The following PLAC1 variants were observed in gnomAD, a reference collection of about 807,000 sequenced individuals.
PLAC1 encodes the protein placenta-specific protein 1.
For missense variants in PLAC1, 136 were observed against 163.2 expected (o/e 0.83, Z 0.91); for synonymous variants, 68 against 62.1 (o/e 1.09, Z -0.44).
At chrX:134,745,159 C>A (rs1428890357) in intron 1 of PLAC1, among the ~76,000 whole-genome samples, 2 of 111,795 alleles carry the variant, frequency 1.8e-5, no homozygotes, top group Non-Finnish European at 3.8e-5. Flanking sequence ...TTGACTTTAC[C>A]CTCAAGCTTG....
chrX:134,604,261 T>C (rs2078111780), intron 1 of PLAC1, among the ~76,000 whole-genome samples: 1 of 112,801 alleles, frequency 8.9e-6, no homozygotes. Flanking sequence ...TGCAATACCA[T>C]AGGCATTCCA....
chrX:134,756,902 T>C (rs1440140612), intron 1 of PLAC1, among the ~76,000 whole-genome samples: 1 of 111,664 alleles, frequency 9.0e-6, no homozygotes, highest in Non-Finnish European at 1.9e-5. Flanking sequence ...TTTCTGGACT[T>C]TCTGCTTTGT....
chrX:134,610,899 C>T (rs1310692121), intron 1 of PLAC1, among the ~76,000 whole-genome samples: 2 of 111,881 alleles, frequency 1.8e-5, no homozygotes, highest in South Asian at 3.8e-4. Context: ...ATGATCAAGG[C>T]TCATGCAAAC....
At chrX:134,700,611 G>C (rs2078579680) in intron 2 of PLAC1, among the ~76,000 whole-genome samples, 1 of 111,827 alleles carries the variant, frequency 8.9e-6, no homozygotes, top group African/African-American at 3.2e-5. Flanking sequence ...TCCAAAATCA[G>C]TGTACAAAAA....
chrX:134,658,701 G>A (rs1436264342), upstream of PLAC1, among the ~76,000 whole-genome samples: 1 of 111,791 alleles, frequency 8.9e-6, no homozygotes, highest in Non-Finnish European at 1.9e-5. Context: ...CTACTGTCAT[G>A]TGTTAGAAGC....
intron 2 of PLAC1, among the ~76,000 whole-genome samples, chrX:134,680,545 G>GAACTGAACTAAACTAAACTAAACTA (rs761881945): frequency 2.2e-4 from 11 of 49,662 alleles, no homozygotes; most frequent in African/African-American, 4.7e-4. Context: ...AAACTAAACT[G>GAACTGAACTAAACTAAACTAAACTA]AACTAAACTA....
intron 1 of PLAC1, among the ~76,000 whole-genome samples, chrX:134,742,125 A>C (rs746654293): frequency 1.8e-5 from 2 of 112,547 alleles, no homozygotes; most frequent in South Asian, 7.3e-4. Flanking sequence ...CTGCTGTCTA[A>C]ATCCAGGTAT....
intron 2 of PLAC1, among the ~76,000 whole-genome samples, chrX:134,677,304 A>C (rs1473530766): frequency 8.9e-6 from 1 of 112,580 alleles, no homozygotes; most frequent in Non-Finnish European, 1.9e-5. Flanking sequence ...CAAGTCAGAC[A>C]TGAGCCCTGA....
intron 1 of PLAC1, among the ~76,000 whole-genome samples, chrX:134,758,644 C>T (rs1367301998): frequency 6.3e-5 from 7 of 111,848 alleles, no homozygotes; most frequent in Non-Finnish European, 3.8e-5. Flanking sequence ...AAAATCGACT[C>T]AAAATGGATT....
chrX:134,713,785 C>A (rs1295459338), intron 2 of PLAC1, among the ~76,000 whole-genome samples: 1 of 111,946 alleles, frequency 8.9e-6, no homozygotes, highest in Non-Finnish European at 1.9e-5. Flanking sequence ...AGGCTGGGAT[C>A]CCTGCGGCTT....
At chrX:134,596,856 A>G (rs2078064384) in intron 2 of PLAC1, among the ~76,000 whole-genome samples, 1 of 110,506 alleles carries the variant, frequency 9.0e-6, no homozygotes, top group South Asian at 3.9e-4. Context: ...CTTGGCCCCC[A>G]AAACTGCTGG....
At chrX:134,636,133 AGTACTG>A (rs1039879979) in intron 1 of PLAC1, among the ~76,000 whole-genome samples, 2 of 110,184 alleles carry the variant, frequency 1.8e-5, no homozygotes, top group Non-Finnish European at 1.9e-5. Context: ...AATCCCAGGA[AGTACTG>A]GTTGACACCA....
At chrX:134,674,352 G>T (rs1388778324) in intron 2 of PLAC1, among the ~76,000 whole-genome samples, 1 of 112,264 alleles carries the variant, frequency 8.9e-6, no homozygotes, top group Non-Finnish European at 1.9e-5. Flanking sequence ...CTTAATCTTT[G>T]CAATGCCAAG....
intron 2 of PLAC1, among the ~76,000 whole-genome samples, chrX:134,584,951 C>T (rs376468389): frequency 8.1e-5 from 9 of 110,753 alleles, no homozygotes; most frequent in Admixed American, 6.8e-4. Flanking sequence ...ACAGGCAGAA[C>T]GTCTTTCTCC....
In PLAC1 at chrX:134,565,847, G is replaced by T; in HGVS notation, c.*197C>A. 1 of 391,004 alleles carries T rather than the reference G, an allele frequency of 2.6e-6. No individual in the cohort carries two copies. Among genetic ancestry groups the T allele is most frequent in the South Asian group, 5.2e-5 (1 of 19,124 alleles). 32.2% of individuals were successfully genotyped at this position (391,004 alleles called of 1,213,427 possible). ...AAAAATGCCCAACATATTTTTATGC[G>T]ATCAGAATTTTATTTTATTTTTTGT... On this transcript the variant is annotated 3_prime_UTR_variant, in exon 3 of 3. Transcript: ENST00000359237.
intron 1 of PLAC1, among the ~76,000 whole-genome samples, chrX:134,608,158 C>G (rs970027831): frequency 8.9e-6 from 1 of 111,776 alleles, no homozygotes; most frequent in Non-Finnish European, 1.9e-5. Flanking sequence ...TACCATATGA[C>G]CCAGCAAGTC....
chrX:134,688,899 A>G (rs772579961), intron 2 of PLAC1, among the ~76,000 whole-genome samples: 2 of 110,032 alleles, frequency 1.8e-5, no homozygotes, highest in Non-Finnish European at 3.8e-5. Flanking sequence ...ACCACCTCCA[A>G]CTCTTTATGT....
At chrX:134,646,805 G>A (rs1376713345) in intron 1 of PLAC1, among the ~76,000 whole-genome samples, 1 of 112,496 alleles carries the variant, frequency 8.9e-6, no homozygotes, top group Non-Finnish European at 1.9e-5. Context: ...AGCTTGGACA[G>A]GGAAGAGGAA....
chrX:134,687,184 C>G (rs1338990637), intron 2 of PLAC1, among the ~76,000 whole-genome samples: 1 of 111,506 alleles, frequency 9.0e-6, no homozygotes, highest in Non-Finnish European at 1.9e-5. Flanking sequence ...TTTCTTAATT[C>G]AAAAGCATCT....
Sources: allele counts gnomAD v4.1 joint callset (sites outside exome capture counted in the v4.1 genomes callset), GRCh38; gene constraint gnomAD v4.1.1; transcripts MANE v1.5; gene names NCBI Gene and HGNC (gene_info 2026-07-23, HGNC 2026-07-21).